Variants in ZSWIM6 observed in about 807,000 individuals in gnomAD.
ZSWIM6 encodes the protein zinc finger SWIM domain-containing protein 6.
Under a neutral mutation model 113.2 loss-of-function variants are expected in ZSWIM6, and 9 were observed. That is an observed-to-expected ratio of 0.08 (90% confidence interval 0.05 to 0.14). The LOEUF (loss-of-function observed/expected upper bound fraction) is 0.14. Ranked by LOEUF, ZSWIM6 falls within the 10% of genes least tolerant of loss-of-function variation. ZSWIM6 has a pLI of 1.00. For missense variants in ZSWIM6, 1,162 were observed against 1,552.2 expected (o/e 0.75, Z 4.22); for synonymous variants, 611 against 606.5 (o/e 1.01, Z -0.11).
At chr5:61,460,366 G>A (rs979002545) in intron 1 of ZSWIM6, among the ~76,000 whole-genome samples, 3 of 152,000 alleles carry the variant, frequency 2.0e-5, no homozygotes, top group African/African-American at 4.8e-5. Flanking sequence ...AGTAAATAGA[G>A]CTCATTAGGT....
At chr5:61,460,362 T>C (rs919357753) in intron 1 of ZSWIM6, among the ~76,000 whole-genome samples, 1 of 152,178 alleles carries the variant, frequency 6.6e-6, no homozygotes, top group African/African-American at 2.4e-5. Context: ...TACTAGTAAA[T>C]AGAGCTCATT....
intron 9 of ZSWIM6, among the ~76,000 whole-genome samples, chr5:61,532,997 T>G (rs1345386255): frequency 6.6e-6 from 1 of 152,270 alleles, no homozygotes; most frequent in Non-Finnish European, 1.5e-5. Context: ...GATCTGTGAT[T>G]TTCAAAGTTG....
intron 1 of ZSWIM6, among the ~76,000 whole-genome samples, chr5:61,386,053 G>C (rs1013736983): frequency 4.6e-5 from 7 of 152,156 alleles, no homozygotes; most frequent in Non-Finnish European, 8.8e-5. Context: ...AAATATTTGA[G>C]GCCTAATCTG....
intron 1 of ZSWIM6, among the ~76,000 whole-genome samples, chr5:61,415,905 G>A (rs911326501): frequency 6.6e-6 from 1 of 152,188 alleles, no homozygotes; most frequent in African/African-American, 2.4e-5. Context: ...AAGACTTCAT[G>A]AAACATTTAC....
intron 2 of ZSWIM6, among the ~76,000 whole-genome samples, chr5:61,481,314 T>C (rs1284961134): frequency 6.6e-6 from 1 of 152,158 alleles, no homozygotes. Context: ...TGGTGATATC[T>C]AACACCTATA....
At chr5:61,517,233 C>T (rs1417404213) in intron 4 of ZSWIM6, among the ~76,000 whole-genome samples, 1 of 152,004 alleles carries the variant, frequency 6.6e-6, no homozygotes, top group African/African-American at 2.4e-5. Flanking sequence ...TTTTTCTTCT[C>T]CTCATCTTTT....
chr5:61,532,234 A>G (rs769597111), intron 9 of ZSWIM6, among the ~76,000 whole-genome samples: 1 of 152,196 alleles, frequency 6.6e-6, no homozygotes, highest in Non-Finnish European at 1.5e-5. Context: ...CCAACTAGTT[A>G]TTTCAGAGGA....
chr5:61,487,952 T>C (rs200741310), intron 2 of ZSWIM6, among the ~76,000 whole-genome samples: 2 of 152,084 alleles, frequency 1.3e-5, no homozygotes, highest in East Asian at 1.9e-4. Flanking sequence ...TCCTGTCTTA[T>C]TCCAGTTCTT....
At chr5:61,470,118 A>G (rs1341671972) in intron 1 of ZSWIM6, among the ~76,000 whole-genome samples, 2 of 152,200 alleles carry the variant, frequency 1.3e-5, no homozygotes, top group Non-Finnish European at 2.9e-5. Flanking sequence ...CTGTAATTAG[A>G]ATAGTTCTCC....
chr5:61,346,575 C>T (rs966730003), intron 1 of ZSWIM6, among the ~76,000 whole-genome samples: 17 of 152,168 alleles, frequency 1.1e-4, no homozygotes, highest in East Asian at 1.9e-4. Context: ...ATGCAATTTA[C>T]GTTTTGTTTA....
chr5:61,389,019 C>T (rs1745646598), intron 1 of ZSWIM6, among the ~76,000 whole-genome samples: 1 of 152,126 alleles, frequency 6.6e-6, no homozygotes. Context: ...TACCGGGACA[C>T]ATACCTGCAA....
At chr5:61,420,884 T>C (rs1746342581) in intron 1 of ZSWIM6, among the ~76,000 whole-genome samples, 1 of 151,974 alleles carries the variant, frequency 6.6e-6, no homozygotes, top group Non-Finnish European at 1.5e-5. Context: ...GTCACCCTGC[T>C]GTGCTAACAA....
chr5:61,447,455 C>G (rs944432454), intron 1 of ZSWIM6, among the ~76,000 whole-genome samples: 1 of 152,258 alleles, frequency 6.6e-6, no homozygotes, highest in Admixed American at 6.5e-5. Context: ...AACAGAAATT[C>G]CTTCAGAATT....
intron 1 of ZSWIM6, chr5:61,347,023 T>C (rs1194439587): frequency 1.3e-5 from 2 of 152,354 alleles, no homozygotes. Context: ...ATATTTTAGA[T>C]GTGTTAGACA....
chr5:61,385,825 C>T (rs977960752), intron 1 of ZSWIM6, among the ~76,000 whole-genome samples: 1 of 152,172 alleles, frequency 6.6e-6, no homozygotes, highest in Non-Finnish European at 1.5e-5. Flanking sequence ...GCTCTCTTGT[C>T]TTTCGAATAG....
chr5:61,399,973 T>A (rs1201046721), intron 1 of ZSWIM6, among the ~76,000 whole-genome samples: 1 of 152,170 alleles, frequency 6.6e-6, no homozygotes, highest in Non-Finnish European at 1.5e-5. Context: ...ATAGATGATC[T>A]CCAGAATTAC....
chr5:61,349,650 A>G (rs1438496940), intron 1 of ZSWIM6, among the ~76,000 whole-genome samples: 2 of 151,732 alleles, frequency 1.3e-5, no homozygotes, highest in East Asian at 1.9e-4. Context: ...TTAACTTGCT[A>G]GTAGTAGCAT....
At chr5:61,369,454 T>C (rs145943778) in intron 1 of ZSWIM6, among the ~76,000 whole-genome samples, 1,602 of 152,348 alleles carry the variant, frequency 0.011, 12 homozygotes, top group Non-Finnish European at 0.017. Context: ...TCAGAATCCA[T>C]TGTAGTAATG....
At chr5:61,447,470 A>G (rs1395307417) in intron 1 of ZSWIM6, among the ~76,000 whole-genome samples, 2 of 152,164 alleles carry the variant, frequency 1.3e-5, no homozygotes, top group African/African-American at 4.8e-5. Flanking sequence ...AGAATTTCTT[A>G]GAGGAGCAAA....
Sources: gnomAD v4.1 joint callset for allele counts (sites outside exome capture counted in the v4.1 genomes callset) on GRCh38, gnomAD v4.1.1 for gene constraint, MANE v1.5 for transcripts, NCBI Gene and HGNC (gene_info 2026-07-23, HGNC 2026-07-21) for gene names.